Variants in PIK3CA observed in about 807,000 individuals in gnomAD.
PIK3CA encodes phosphatidylinositol 4,5-bisphosphate 3-kinase catalytic subunit alpha isoform.
PIK3CA carries 27 observed loss-of-function variants against 138.2 expected under a neutral mutation model. The observed-to-expected ratio is 0.20, with a 90% CI of 0.14 to 0.27. The LOEUF is 0.27. Among genes scored for constraint, PIK3CA ranks in the 10% least tolerant of loss-of-function variants. The pLI is 1.00. For missense variants in PIK3CA, 544 were observed against 1,277.4 expected, an observed-to-expected ratio of 0.43 and a Z score of 8.75; for synonymous variants, 358 against 413.2, an observed-to-expected ratio of 0.87 and a Z score of 1.62.
At chr3:179,231,698 A>G (rs1725217227) in intron 20 of PIK3CA, among the ~76,000 whole-genome samples, 1 of 130,974 alleles carries the variant, frequency 7.6e-6, no homozygotes, top group African/African-American at 3.1e-5. Flanking sequence ...CTGGAGTACA[A>G]TGGCATGATC....
intron 1 of PIK3CA, among the ~76,000 whole-genome samples, chr3:179,153,073 A>G (rs1723052328): frequency 6.6e-6 from 1 of 152,178 alleles, no homozygotes; most frequent in Non-Finnish European, 1.5e-5. Context: ...GTCTCTGTTC[A>G]CCAAACCTTA....
chr3:179,224,681 G>C lies in PIK3CA; in HGVS notation c.2295-19G>C, dbSNP rs188003220. 66 of 1,541,972 alleles carry C rather than the reference G, an allele frequency of 4.3e-5. No homozygotes were observed. In the African/African-American group the frequency reaches 7.6e-4, roughly 18 times the overall value. On this transcript the variant is annotated intron_variant, in intron 15 of 20. Transcript: ENST00000263967. ...TAATAAAGCAAAGGTACCTAGTAAA[G>C]TTTTTAACTATTTTAAAGGCTTGAA...
intron 1 of PIK3CA, among the ~76,000 whole-genome samples, chr3:179,174,141 C>T (rs1224777341): frequency 1.3e-5 from 2 of 152,074 alleles, no homozygotes; most frequent in Non-Finnish European, 2.9e-5. Flanking sequence ...TAAAGTAATA[C>T]ATGCATATTA....
intron 1 of PIK3CA, among the ~76,000 whole-genome samples, chr3:179,153,709 T>C (rs1723066017): frequency 6.6e-6 from 1 of 152,232 alleles, no homozygotes; most frequent in Non-Finnish European, 1.5e-5. Flanking sequence ...TTACCAGTCT[T>C]ATTTTTGTAT....
intron 1 of PIK3CA, among the ~76,000 whole-genome samples, chr3:179,173,962 A>C (rs982027275): frequency 1.3e-5 from 2 of 151,678 alleles, no homozygotes; most frequent in African/African-American, 4.8e-5. Context: ...TCCTGACCTC[A>C]GGTGATCCAC....
chr3:179,229,567 G>T, intron 18 of PIK3CA, 125 bp downstream of exon 18: 1 of 599,194 alleles, frequency 1.7e-6, no homozygotes, highest in Non-Finnish European at 2.7e-6. Context: ...AAAAAAATAT[G>T]CTCAACCTTT....
At position 179,236,253 on chromosome 3, in the gene PIK3CA, C is replaced by A. The variant is rs1725331368; in HGVS notation, c.*1889C>A. 1 of 206,266 alleles carries A rather than the reference C, an allele frequency of 4.8e-6. No individual in the cohort carries two copies. Among genetic ancestry groups the A allele is most frequent in the South Asian group, 1.9e-4 (1 of 5,294 alleles). 12.8% of individuals were successfully genotyped at this position (206,266 alleles called of 1,614,324 possible). A position where few individuals can be genotyped will look rare whatever the true frequency, so the allele number is the denominator to read the frequency against. Reference sequence around the variant, plus strand: ...TAAAGCATGTATATAATATTGCCAACAAGAAAAGTAAATTTGAAGATTAAG... The same window carrying A: ...TAAAGCATGTATATAATATTGCCAAAAAGAAAAGTAAATTTGAAGATTAAG... On this transcript the variant is annotated 3_prime_UTR_variant, in exon 21 of 21. Transcript: ENST00000263967.
chr3:179,197,927 A>C (rs1461144668), intron 1 of PIK3CA, among the ~76,000 whole-genome samples: 1 of 152,228 alleles, frequency 6.6e-6, no homozygotes, highest in Non-Finnish European at 1.5e-5. Flanking sequence ...AATAGTTCTT[A>C]AAATATTACA....
chr3:179,158,044 C>G (rs1181629153), intron 1 of PIK3CA, among the ~76,000 whole-genome samples: 1 of 152,106 alleles, frequency 6.6e-6, no homozygotes, highest in African/African-American at 2.4e-5. Context: ...ATGTTACATT[C>G]ATCCATTTAT....
intron 1 of PIK3CA, among the ~76,000 whole-genome samples, chr3:179,179,181 G>T (rs1277451765): frequency 2.0e-5 from 3 of 152,180 alleles, no homozygotes; most frequent in Non-Finnish European, 4.4e-5. Context: ...CTAGCATTTT[G>T]CTAAGTATAA....
At chr3:179,197,626 A>G (rs1174206131) in intron 1 of PIK3CA, among the ~76,000 whole-genome samples, 4 of 152,194 alleles carry the variant, frequency 2.6e-5, no homozygotes, top group African/African-American at 9.6e-5. Flanking sequence ...GCATAAGCAA[A>G]TAGTGTCATT....
intron 1 of PIK3CA, among the ~76,000 whole-genome samples, chr3:179,190,370 G>A (rs1363867878): frequency 6.6e-6 from 1 of 150,384 alleles, no homozygotes; most frequent in Non-Finnish European, 1.5e-5. Context: ...CTAATAGGAG[G>A]TCAAACATGA....
At chr3:179,215,889 C>G (rs540954191) in intron 9 of PIK3CA, among the ~76,000 whole-genome samples, 64 of 152,262 alleles carry the variant, frequency 4.2e-4, no homozygotes, top group African/African-American at 1.5e-3. Flanking sequence ...AACCTCAGCA[C>G]TATTGACATT....
At chr3:179,225,457 C>G (rs989272934) in intron 16 of PIK3CA, among the ~76,000 whole-genome samples, 1 of 151,368 alleles carries the variant, frequency 6.6e-6, no homozygotes, top group Non-Finnish European at 1.5e-5. Flanking sequence ...GCAGTGAATT[C>G]TGTTGATCCC....
At chr3:179,167,490 C>G (rs1274824661) in intron 1 of PIK3CA, among the ~76,000 whole-genome samples, 1 of 152,044 alleles carries the variant, frequency 6.6e-6, no homozygotes, top group Non-Finnish European at 1.5e-5. Context: ...TTCTTCCTTT[C>G]AAGTCTTTCC....
At chr3:179,148,156 T>G (rs990546938), upstream of PIK3CA, 1 of 148,774 alleles carries the variant, frequency 6.7e-6, no homozygotes, top group South Asian at 2.1e-4. Context: ...GCTCTTACCC[T>G]CTTCTGCCGG....
rs200480523 is a variant in PIK3CA at position 179,210,481 on chromosome 3, G to A, written c.1455G>A (p.Lys485=). Residue 485 remains lysine, a synonymous_variant, in exon 9 of 21, where the codon AAG becomes AAA. Transcript: ENST00000263967. The part of the protein sequence containing the change: ...LEFDWFSSVV[K]FPDMSVIEEH... ...TTGACTGGTTCAGCAGTGTGGTAAAGTTCCCAGATATGTCAGTGATTGAAG... is the reference window on the plus strand; with the variant it reads ...TTGACTGGTTCAGCAGTGTGGTAAAATTCCCAGATATGTCAGTGATTGAAG... The A allele has an allele frequency of 5.6e-6, 9 of 1,613,930 alleles. No homozygotes were observed. The highest frequency in any genetic ancestry group is 7.6e-6 in the Non-Finnish European group (9 of 1,179,954).
At chr3:179,204,072 C>A (rs1724493035) in intron 5 of PIK3CA, among the ~76,000 whole-genome samples, 2 of 152,152 alleles carry the variant, frequency 1.3e-5, no homozygotes, top group African/African-American at 4.8e-5. Context: ...CTGGGCCAAC[C>A]TTAAGTGAGG....
At chr3:179,231,828 A>T (rs1286898370) in intron 20 of PIK3CA, among the ~76,000 whole-genome samples, 2 of 151,652 alleles carry the variant, frequency 1.3e-5, no homozygotes, top group African/African-American at 2.4e-5. Flanking sequence ...TTTTTAGTAG[A>T]GACGGGGTTT....
Sources: gnomAD v4.1 joint callset for allele counts (sites outside exome capture counted in the v4.1 genomes callset) on GRCh38, gnomAD v4.1.1 for gene constraint, MANE v1.5 for transcripts, NCBI Gene and HGNC (gene_info 2026-07-23, HGNC 2026-07-21) for gene names.